FUT9: variants seen among roughly 807,000 people sequenced by gnomAD.
FUT9 encodes 4-galactosyl-N-acetylglucosaminide 3-alpha-L-fucosyltransferase 9.
In FUT9, 15 loss-of-function variants were observed where a neutral mutation model predicts 29.7. The observed-to-expected ratio is 0.51, with a 90% CI of 0.34 to 0.78. FUT9 has a LOEUF of 0.78. Among genes scored for constraint, FUT9 ranks in the 30% least tolerant of loss-of-function variants. FUT9 has a pLI of 0.01. For synonymous variants in FUT9, 169 were observed against 153.7 expected, an observed-to-expected ratio of 1.10 and a Z score of -0.74; for missense variants, 319 against 425.4, an observed-to-expected ratio of 0.75 and a Z score of 2.20.
At chr6:96,064,054 C>T (rs1770920963) in intron 1 of FUT9, among the ~76,000 whole-genome samples, 1 of 152,082 alleles carries the variant, frequency 6.6e-6, no homozygotes, top group Non-Finnish European at 1.5e-5. Flanking sequence ...ACAATTGCTA[C>T]CAAAGTTCAC....
intron 1 of FUT9, among the ~76,000 whole-genome samples, chr6:96,034,122 C>T (rs916501590): frequency 6.6e-6 from 1 of 151,586 alleles, no homozygotes; most frequent in Non-Finnish European, 1.5e-5. Context: ...GTATTCTCTT[C>T]TTATTTCCAT....
At chr6:96,041,706 G>T (rs145487685) in intron 1 of FUT9, among the ~76,000 whole-genome samples, 1 of 152,080 alleles carries the variant, frequency 6.6e-6, no homozygotes, top group Admixed American at 6.6e-5. Context: ...TGATCTAAGT[G>T]TTTTTATTTT....
chr6:96,061,420 G>A (rs1030492569), intron 1 of FUT9, among the ~76,000 whole-genome samples: 1 of 150,694 alleles, frequency 6.6e-6, no homozygotes, highest in African/African-American at 2.4e-5. Flanking sequence ...AGTTTCTCAT[G>A]GGTATAGTTT....
At chr6:96,192,773 G>A (rs1773536578) in intron 2 of FUT9, among the ~76,000 whole-genome samples, 1 of 152,022 alleles carries the variant, frequency 6.6e-6, no homozygotes, top group Non-Finnish European at 1.5e-5. Flanking sequence ...GAACAAAGCT[G>A]GAGGCATCAC....
At position 96,213,524 on chromosome 6, in the gene FUT9, A is replaced by T. The variant is rs1773978544; in HGVS notation, c.*9289A>T. The stretch of plus-strand genomic sequence containing the variant: ...CATATTTAATCAAACTCTTAAAAAT[A>T]CCCTGAAACATAATGCCAAATGTAC... On this transcript the variant is annotated 3_prime_UTR_variant, in exon 3 of 3. Coordinates refer to ENST00000302103, the MANE Select transcript of FUT9 (RefSeq NM_006581.4). 1 of 166,888 alleles carries T rather than the reference A, an allele frequency of 6.0e-6. No individual in the cohort carries two copies. Among genetic ancestry groups the T allele is most frequent in the Non-Finnish European group, 1.5e-5 (1 of 68,010 alleles). The allele number at this position is 166,888 out of a possible 1,614,324, so 10.3% of individuals were successfully genotyped here. A position where few individuals can be genotyped will look rare whatever the true frequency, so the allele number is the denominator to read the frequency against.
intron 2 of FUT9, among the ~76,000 whole-genome samples, chr6:96,137,466 A>G (rs961512406): frequency 6.6e-6 from 1 of 152,068 alleles, no homozygotes; most frequent in Non-Finnish European, 1.5e-5. Flanking sequence ...TTCCAAGTCC[A>G]TAATTGTGAG....
At chr6:96,109,837 T>C (rs1184314124) in intron 1 of FUT9, among the ~76,000 whole-genome samples, 3 of 152,132 alleles carry the variant, frequency 2.0e-5, no homozygotes, top group Admixed American at 1.3e-4. Flanking sequence ...TCTAACTCTT[T>C]ACAATGGCCT....
chr6:96,038,557 T>A (rs1770402561), intron 1 of FUT9, among the ~76,000 whole-genome samples: 2 of 152,196 alleles, frequency 1.3e-5, no homozygotes, highest in African/African-American at 4.8e-5. Flanking sequence ...AATTTGGCAT[T>A]TCTAGAAAAG....
chr6:96,132,965 G>C (rs978697381), intron 2 of FUT9, among the ~76,000 whole-genome samples: 3 of 151,474 alleles, frequency 2.0e-5, no homozygotes, highest in Non-Finnish European at 4.4e-5. Context: ...ATAGGTTTTG[G>C]GGAACAGATG....
chr6:96,080,560 T>TA (rs1771217708), intron 1 of FUT9, among the ~76,000 whole-genome samples: 1 of 152,020 alleles, frequency 6.6e-6, no homozygotes. Context: ...AAAATTATGA[T>TA]AAAAATAAGG....
intron 1 of FUT9, among the ~76,000 whole-genome samples, chr6:96,103,955 C>G (rs2127957864): frequency 6.6e-6 from 1 of 152,246 alleles, no homozygotes; most frequent in Admixed American, 6.5e-5. Flanking sequence ...GGGGTTAAGA[C>G]TTCAACATGT....
chr6:96,176,681 G>A (rs930923380), intron 2 of FUT9, among the ~76,000 whole-genome samples: 1 of 152,090 alleles, frequency 6.6e-6, no homozygotes, highest in African/African-American at 2.4e-5. Flanking sequence ...ATGAGTAGAG[G>A]CATCTTCTCA....
At chr6:96,180,214 C>T (rs568416521) in intron 2 of FUT9, among the ~76,000 whole-genome samples, 1 of 152,180 alleles carries the variant, frequency 6.6e-6, no homozygotes, top group East Asian at 1.9e-4. Flanking sequence ...TTTGCTATGT[C>T]CAGGGACTAT....
intron 1 of FUT9, among the ~76,000 whole-genome samples, chr6:96,020,473 T>G (rs1318731160): frequency 2.0e-5 from 3 of 152,098 alleles, no homozygotes; most frequent in Non-Finnish European, 4.4e-5. Context: ...GGAAGGTAAA[T>G]TTGTTTCACA....
intron 2 of FUT9, among the ~76,000 whole-genome samples, chr6:96,199,930 A>T (rs557321710): frequency 4.3e-4 from 66 of 152,286 alleles, no homozygotes; most frequent in Non-Finnish European, 8.2e-4. Flanking sequence ...CAAAGCTTAC[A>T]TTCTGGTATC....
chr6:96,049,441 A>G (rs908595374), intron 1 of FUT9, among the ~76,000 whole-genome samples: 1 of 152,230 alleles, frequency 6.6e-6, no homozygotes, highest in African/African-American at 2.4e-5. Flanking sequence ...TAAAGGAAGT[A>G]TATCTTAGTC....
chr6:96,190,506 C>A (rs1376589702), intron 2 of FUT9, among the ~76,000 whole-genome samples: 1 of 152,144 alleles, frequency 6.6e-6, no homozygotes. Flanking sequence ...GATTGTTTTC[C>A]AACTTGGTTC....
intron 1 of FUT9, among the ~76,000 whole-genome samples, chr6:96,072,150 G>T (rs1050621843): frequency 1.3e-5 from 2 of 152,102 alleles, no homozygotes; most frequent in African/African-American, 2.4e-5. Context: ...GAAACTAGGG[G>T]TTTAGAGATG....
At chr6:96,091,257 A>C (rs993094839) in intron 1 of FUT9, among the ~76,000 whole-genome samples, 13 of 152,218 alleles carry the variant, frequency 8.5e-5, no homozygotes, top group Admixed American at 5.2e-4. Context: ...GTTTAACCTA[A>C]ATTTAACCAT....
Sources: allele counts gnomAD v4.1 joint callset (sites outside exome capture counted in the v4.1 genomes callset), GRCh38; gene constraint gnomAD v4.1.1; transcripts MANE v1.5; gene names NCBI Gene and HGNC (gene_info 2026-07-23, HGNC 2026-07-21).